Variants in CELF2 observed in about 807,000 individuals in gnomAD.
CELF2 encodes CUGBP Elav-like family member 2, also known as CUG triplet repeat RNA-binding protein 2.
CELF2 carries 8 observed loss-of-function variants against 62.6 expected under a neutral mutation model. The ratio of observed to expected loss-of-function variants is 0.13; its 90% CI spans 0.07 to 0.23. The LOEUF is 0.23. Ranked by LOEUF, CELF2 falls within the 10% of genes least tolerant of loss-of-function variation. The pLI is 1.00. For synonymous variants in CELF2, 258 were observed against 250.0 expected (o/e 1.03, Z -0.30); for missense variants, 333 against 671.0 (o/e 0.50, Z 5.56).
intron 2 of CELF2, chr10:10,951,970 G>C (rs1016493632): frequency 2.0e-5 from 3 of 152,374 alleles, no homozygotes; most frequent in African/African-American, 7.2e-5. Flanking sequence ...ACGCTGAGCT[G>C]CTGGGATTGG....
chr10:10,587,769 C>T, the CELF2 span, among the ~76,000 whole-genome samples: 1 of 152,024 alleles, frequency 6.6e-6, no homozygotes, highest in East Asian at 1.9e-4. Context: ...TTTGAATTCC[C>T]CTGGTAATTT....
the CELF2 span, among the ~76,000 whole-genome samples, chr10:10,780,028 T>C: frequency 1.3e-5 from 2 of 152,162 alleles, no homozygotes; most frequent in Non-Finnish European, 2.9e-5. Context: ...AGAGATGGAC[T>C]AGTGGGTTCT....
the CELF2 span, among the ~76,000 whole-genome samples, chr10:10,705,366 T>TAACAAAAAAAAA: frequency 7.5e-6 from 1 of 134,038 alleles, no homozygotes; most frequent in Non-Finnish European, 1.6e-5. Context: ...CCTTCCCTAT[T>TAACAAAAAAAAA]AAAAAAAAAA....
At chr10:10,617,116 C>G in the CELF2 span, among the ~76,000 whole-genome samples, 6 of 152,106 alleles carry the variant, frequency 3.9e-5, no homozygotes, top group Admixed American at 1.3e-4. Flanking sequence ...ATTTTACATA[C>G]AGCAAATAGT....
chr10:11,171,731 A>G (rs2068922479), intron 2 of CELF2, among the ~76,000 whole-genome samples: 1 of 152,216 alleles, frequency 6.6e-6, no homozygotes, highest in African/African-American at 2.4e-5. Flanking sequence ...TTATCCATGC[A>G]GTAGAAATAA....
At chr10:10,996,494 G>A (rs1324304028) in intron 2 of CELF2, among the ~76,000 whole-genome samples, 1 of 152,152 alleles carries the variant, frequency 6.6e-6, no homozygotes, top group Non-Finnish European at 1.5e-5. Flanking sequence ...GTGGGTTACT[G>A]CCCCAGTTCC....
chr10:11,133,816 A>G (rs2059981612), intron 1 of CELF2, among the ~76,000 whole-genome samples: 1 of 152,322 alleles, frequency 6.6e-6, no homozygotes, highest in Middle Eastern at 3.4e-3. Context: ...TAAAAGGTAC[A>G]GCTTCTTACA....
the CELF2 span, among the ~76,000 whole-genome samples, chr10:10,750,119 T>C: frequency 6.6e-6 from 1 of 152,162 alleles, no homozygotes; most frequent in Non-Finnish European, 1.5e-5. Context: ...TCATCTCTAC[T>C]AAAAATACAA....
In CELF2 at chr10:11,296,099, C is replaced by G. The variant is rs560567927; in HGVS notation, c.976+7547C>G. On this transcript the variant is annotated intron_variant, in intron 9 of 12. Coordinates refer to ENST00000633077, the MANE Select transcript of CELF2 (RefSeq NM_001326342.2). This position sits in a 1 kb window ranked among gnomAD's most constrained non-coding sequence, Gnocchi z 5.0. ...GTAGATTCCACCTGTGCCCTGAGCT[C>G]TCCTTGGCGGGTGCCTTCATCCCCG... is the stretch of plus-strand genomic sequence containing the variant. 6.6e-6 allele frequency among the ~76,000 whole-genome samples: 1 copy of G among 152,224 alleles called. No individual in the cohort carries two copies. Among genetic ancestry groups the G allele is most frequent in the Non-Finnish European group, 1.5e-5 (1 of 68,036 alleles).
chr10:10,709,853 T>C, the CELF2 span, among the ~76,000 whole-genome samples: 1 of 152,220 alleles, frequency 6.6e-6, no homozygotes. Flanking sequence ...ATCTCTTACT[T>C]CTTGTACTGG....
chr10:10,482,661 A>G, the CELF2 span, among the ~76,000 whole-genome samples: 2 of 152,148 alleles, frequency 1.3e-5, no homozygotes, highest in Non-Finnish European at 2.9e-5. Flanking sequence ...GACATTTTGG[A>G]GCATCTTACT....
rs919456984 is a variant in CELF2, at chr10:10,928,589, A to T, written c.89+8590A>T. ...TCACAGTTGAGTAGCTGTGGCAGAG[A>T]CGGTATAGCCCCCAAACTGAAAATA... On this transcript the variant is annotated intron_variant, in intron 2 of 13. Transcript: ENST00000636488. The surrounding 1 kb of genome is among the most constrained non-coding windows in gnomAD (Gnocchi z 4.8). 3.9e-5 allele frequency among the ~76,000 whole-genome samples: 6 copies of T among 152,182 alleles called. No individual in the cohort carries two copies. Among genetic ancestry groups the T allele is most frequent in the African/African-American group, 1.4e-4 (6 of 41,450 alleles).
intron 1 of CELF2, among the ~76,000 whole-genome samples, chr10:11,153,532 G>A (rs544653961): frequency 1.3e-4 from 20 of 152,162 alleles, no homozygotes; most frequent in African/African-American, 4.3e-4. Flanking sequence ...GAGAACATGC[G>A]CTTTGTGTGT....
At chr10:10,650,044 C>A in the CELF2 span, among the ~76,000 whole-genome samples, 635 of 152,324 alleles carry the variant, frequency 4.2e-3, 8 homozygotes, top group African/African-American at 0.014. Context: ...GAATGCCAAT[C>A]ACATTGCAAC....
At chr10:10,839,464 G>T (rs181350593) in intron 1 of CELF2, among the ~76,000 whole-genome samples, 4 of 152,220 alleles carry the variant, frequency 2.6e-5, no homozygotes, top group Admixed American at 1.3e-4. Flanking sequence ...TCAATTTCAC[G>T]TGTATAGTGG....
At chr10:10,907,098 GAC>G (rs1180553292) in intron 1 of CELF2, among the ~76,000 whole-genome samples, 1 of 151,764 alleles carries the variant, frequency 6.6e-6, no homozygotes, top group Non-Finnish European at 1.5e-5. Context: ...TTTGTTCAAA[GAC>G]ACACACACGC....
At chr10:11,009,635 G>A (rs1311132808) in intron 1 of CELF2, among the ~76,000 whole-genome samples, 3 of 152,146 alleles carry the variant, frequency 2.0e-5, no homozygotes, top group Non-Finnish European at 4.4e-5. Context: ...CATGTATTAC[G>A]AGGGCAGATT....
At chr10:10,914,788 A>G (rs555553055) in intron 1 of CELF2, among the ~76,000 whole-genome samples, 3 of 152,276 alleles carry the variant, frequency 2.0e-5, no homozygotes, top group African/African-American at 4.8e-5. Flanking sequence ...TTCTCTGAAC[A>G]TATAATTGCA....
chr10:11,282,258 A>T lies in CELF2; in HGVS notation c.842-6160A>T, dbSNP rs184266406. On this transcript the variant is annotated intron_variant, in intron 8 of 12. Coordinates refer to ENST00000633077, the MANE Select transcript of CELF2 (RefSeq NM_001326342.2). ...CACAGGAGGAGAAGGAAGAGGTCAG[A>T]ACAGCTCCAGATGGGGACCGAGAGG... is the stretch of plus-strand genomic sequence containing the variant. Among the ~76,000 whole-genome samples, 3 of 152,298 alleles carry T rather than the reference A, an allele frequency of 2.0e-5. No individual in the cohort carries two copies. The East Asian group carries it at 5.8e-4, about 29-fold the overall frequency.
Sources: allele counts gnomAD v4.1 joint callset (sites outside exome capture counted in the v4.1 genomes callset), GRCh38; gene constraint gnomAD v4.1.1; non-coding constraint Gnocchi (gnomAD v3.1); transcripts MANE v1.5; gene names NCBI Gene and HGNC (gene_info 2026-07-23, HGNC 2026-07-21).